SCAND3: variants seen among roughly 807,000 people sequenced by gnomAD.
SCAND3 encodes the protein SCAN domain containing 3, also known as SCAN domain-containing protein 3.
chr6:28,581,615 A>T, the SCAND3 span, among the ~76,000 whole-genome samples: 29 of 152,262 alleles, frequency 1.9e-4, 1 homozygote, highest in South Asian at 5.6e-3. Flanking sequence ...CCTCATGCTT[A>T]CCATCACTTA....
chr6:28,573,381 T>C, the SCAND3 span: 7 of 1,614,028 alleles, frequency 4.3e-6, no homozygotes, highest in Non-Finnish European at 5.9e-6. Context: ...CAATTGTGTA[T>C]GGTGTTTTAG....
At chr6:28,608,490 C>T in the SCAND3 span, among the ~76,000 whole-genome samples, 1 of 152,144 alleles carries the variant, frequency 6.6e-6, no homozygotes, top group East Asian at 1.9e-4. Context: ...AGATGACCAC[C>T]TCCACTGCCC....
the SCAND3 span, among the ~76,000 whole-genome samples, chr6:28,593,957 C>T: frequency 6.6e-6 from 1 of 152,166 alleles, no homozygotes; most frequent in Non-Finnish European, 1.5e-5. Flanking sequence ...TGGGCTCAAG[C>T]GATCCTTCCA....
At chr6:28,585,767 G>GGAGTAT in the SCAND3 span, among the ~76,000 whole-genome samples, 2 of 152,096 alleles carry the variant, frequency 1.3e-5, no homozygotes, top group Admixed American at 6.5e-5. Flanking sequence ...TACTCCTTTA[G>GGAGTAT]AAACAACTCC....
the SCAND3 span, among the ~76,000 whole-genome samples, chr6:28,577,316 A>G: frequency 6.6e-6 from 1 of 152,242 alleles, no homozygotes; most frequent in South Asian, 2.1e-4. Flanking sequence ...ATAGTTTTAT[A>G]GTTGCTTGGA....
the SCAND3 span, chr6:28,591,137 C>G: frequency 6.6e-6 from 1 of 152,222 alleles, no homozygotes; most frequent in Admixed American, 6.5e-5. Context: ...TATCCTAGCT[C>G]AAACCAGTAA....
chr6:28,594,474 G>A, the SCAND3 span, among the ~76,000 whole-genome samples: 2,730 of 152,208 alleles, frequency 0.018, 76 homozygotes, highest in African/African-American at 0.055. Flanking sequence ...GGCCAATGGG[G>A]TGAAACCCCG....
the SCAND3 span, among the ~76,000 whole-genome samples, chr6:28,611,890 T>G: frequency 6.6e-6 from 1 of 152,234 alleles, no homozygotes; most frequent in Non-Finnish European, 1.5e-5. Flanking sequence ...TTTAAAAGTG[T>G]CTTCTAAATA....
chr6:28,587,659 C>G, the SCAND3 span: 4 of 152,192 alleles, frequency 2.6e-5, no homozygotes, highest in Non-Finnish European at 5.9e-5. Flanking sequence ...GTAGGATCGT[C>G]CCCCGCCTTT....
the SCAND3 span, among the ~76,000 whole-genome samples, chr6:28,593,010 A>ATTT: frequency 0.048 from 6,951 of 145,580 alleles, 323 homozygotes; most frequent in African/African-American, 0.13. Flanking sequence ...CTGGGCAATG[A>ATTT]TTTTTTTTTT....
At chr6:28,602,955 AATTTTTT>A in the SCAND3 span, among the ~76,000 whole-genome samples, 16 of 139,524 alleles carry the variant, frequency 1.1e-4, no homozygotes, top group African/African-American at 4.5e-4. Context: ...ACCAAAAAAA[AATTTTTT>A]TTTTTTTTTT....
chr6:28,595,733 A>AG, the SCAND3 span, among the ~76,000 whole-genome samples: 1 of 151,790 alleles, frequency 6.6e-6, no homozygotes, highest in East Asian at 1.9e-4. Context: ...AAAAAAAAAA[A>AG]GAAAGAAAAA....
At chr6:28,589,370 C>G in the SCAND3 span, 1 of 152,190 alleles carries the variant, frequency 6.6e-6, no homozygotes, top group East Asian at 1.9e-4. Flanking sequence ...CTACTGTACC[C>G]TTGTGGTTGG....
the SCAND3 span, among the ~76,000 whole-genome samples, chr6:28,603,251 C>T: frequency 2.0e-5 from 3 of 152,096 alleles, no homozygotes; most frequent in African/African-American, 7.2e-5. Context: ...AGCCACCGTG[C>T]CCGCCCAAAA....
At chr6:28,597,066 C>T in the SCAND3 span, among the ~76,000 whole-genome samples, 6 of 152,110 alleles carry the variant, frequency 3.9e-5, no homozygotes, top group Non-Finnish European at 7.3e-5. Flanking sequence ...ATTTCTTGCC[C>T]TTAAGAAGGT....
At chr6:28,594,025 T>G in the SCAND3 span, among the ~76,000 whole-genome samples, 1 of 152,164 alleles carries the variant, frequency 6.6e-6, no homozygotes, top group African/African-American at 2.4e-5. Context: ...CGTAACAATC[T>G]TTCACCTTTT....
chr6:28,611,281 A>C, the SCAND3 span, among the ~76,000 whole-genome samples: 1 of 152,214 alleles, frequency 6.6e-6, no homozygotes. Flanking sequence ...TAAAGTGCTC[A>C]TATAGACCTA....
the SCAND3 span, among the ~76,000 whole-genome samples, chr6:28,608,968 C>T: frequency 1.0e-4 from 15 of 149,448 alleles, no homozygotes; most frequent in Non-Finnish European, 1.9e-4. Flanking sequence ...ACTCCAGCCT[C>T]GGAAAACAGA....
chr6:28,600,900 T>A, the SCAND3 span, among the ~76,000 whole-genome samples: 1 of 89,866 alleles, frequency 1.1e-5, no homozygotes, highest in African/African-American at 8.8e-5. Context: ...AACATGTGCC[T>A]TTTTTTTTTT....
Sources: gnomAD v4.1 joint callset for allele counts (sites outside exome capture counted in the v4.1 genomes callset) on GRCh38, gnomAD v4.1.1 for gene constraint, MANE v1.5 for transcripts, NCBI Gene and HGNC (gene_info 2026-07-23, HGNC 2026-07-21) for gene names.